TOP2B: variants seen among roughly 807,000 people sequenced by gnomAD.
The protein encoded by TOP2B is DNA topoisomerase II beta.
TOP2B carries 51 observed loss-of-function variants against 193.5 expected under a neutral mutation model. The observed-to-expected ratio is 0.26, with a 90% CI of 0.21 to 0.33. TOP2B has a LOEUF of 0.33. Among genes scored for constraint, TOP2B ranks in the 10% least tolerant of loss-of-function variants. The pLI is 1.00. For synonymous variants in TOP2B, 634 were observed against 635.7 expected, an observed-to-expected ratio of 1.00 and a Z score of 0.04; for missense variants, 1,378 against 1,909.3, an observed-to-expected ratio of 0.72 and a Z score of 5.19.
intron 1 of TOP2B, among the ~76,000 whole-genome samples, chr3:25,651,491 A>G (rs571569455): frequency 5.4e-4 from 82 of 152,174 alleles, no homozygotes; most frequent in African/African-American, 1.9e-3. Context: ...CAGCAAGGGA[A>G]GAAAGATGGA....
chr3:25,628,334 G>A (rs186369957), intron 15 of TOP2B, among the ~76,000 whole-genome samples: 89 of 150,980 alleles, frequency 5.9e-4, no homozygotes, highest in African/African-American at 2.1e-3. Context: ...AATTAGCTGG[G>A]TGTGGTGGCA....
intron 1 of TOP2B, among the ~76,000 whole-genome samples, chr3:25,663,017 T>C (rs1357632505): frequency 6.6e-6 from 1 of 152,248 alleles, no homozygotes; most frequent in Admixed American, 6.5e-5. Flanking sequence ...TTTTCTCTCC[T>C]GGCCCTAGTC....
chr3:25,617,734 C>T (rs1447315175), intron 25 of TOP2B, among the ~76,000 whole-genome samples: 1 of 152,162 alleles, frequency 6.6e-6, no homozygotes, highest in Admixed American at 6.5e-5. Flanking sequence ...CAATGTTGTA[C>T]TGTTGCTTAA....
intron 1 of TOP2B, among the ~76,000 whole-genome samples, chr3:25,649,260 A>G (rs1177346921): frequency 1.3e-5 from 2 of 152,312 alleles, no homozygotes; most frequent in South Asian, 2.1e-4. Context: ...GCCACTATCT[A>G]TCAGAACAAC....
intron 4 of TOP2B, among the ~76,000 whole-genome samples, chr3:25,640,886 A>C (rs1413788787): frequency 2.0e-5 from 3 of 150,982 alleles, no homozygotes; most frequent in African/African-American, 7.3e-5. Flanking sequence ...CCTCCTGAGT[A>C]GCTGGGACTA....
At chr3:25,664,154 C>T (rs924086165) in intron 1 of TOP2B, 75 bp downstream of exon 1, 18 of 1,527,662 alleles carry the variant, frequency 1.2e-5, no homozygotes, top group Middle Eastern at 2.0e-4. Context: ...TTCCCCTCCC[C>T]CGCCCGTTCG....
At chr3:25,642,418 C>T (rs1038536094) in intron 3 of TOP2B, 33 bp from the exon 4 acceptor site, 77 of 1,370,418 alleles carry the variant, frequency 5.6e-5, no homozygotes, top group Non-Finnish European at 7.6e-5. Context: ...GAGTAATATA[C>T]AAAATTATAT....
intron 8 of TOP2B, among the ~76,000 whole-genome samples, chr3:25,633,300 GT>G (rs1703013152): frequency 6.6e-6 from 1 of 152,134 alleles, no homozygotes; most frequent in East Asian, 1.9e-4. Context: ...TCATTTACAA[GT>G]TTTTTATATA....
At chr3:25,641,555 G>A (rs1054283350) in intron 4 of TOP2B, among the ~76,000 whole-genome samples, 8 of 151,454 alleles carry the variant, frequency 5.3e-5, no homozygotes, top group South Asian at 2.1e-4. Flanking sequence ...AAATAATCTC[G>A]ACAGCACAGT....
At chr3:25,637,765 GT>G (rs1355982269) in intron 5 of TOP2B, among the ~76,000 whole-genome samples, 4 of 151,966 alleles carry the variant, frequency 2.6e-5, no homozygotes, top group Admixed American at 6.6e-5. Context: ...TATGGTTTTG[GT>G]CAAAGCACTT....
chr3:25,635,812 T>A (rs1303033341), intron 7 of TOP2B, 124 bp downstream of exon 7: 2 of 721,846 alleles, frequency 2.8e-6, no homozygotes, highest in African/African-American at 3.6e-5. Flanking sequence ...ATAATCACTT[T>A]AAATGTGAAT....
chr3:25,643,823 T>A, intron 2 of TOP2B, 39 bp from the exon 3 acceptor site: 1 of 1,441,694 alleles, frequency 6.9e-7, no homozygotes, highest in Non-Finnish European at 9.8e-7. Context: ...ACTCAATAAA[T>A]CCTTAATATC....
chr3:25,628,847 CT>C lies in TOP2B; in HGVS notation c.1905del (p.Gly636AspfsTer51). ...AATCTAAGTATTTTAAAATACAAAC[CT>C]TTATAGTACTTTATTTTCCAGGCTT... ...NQKAWKIKYYKGLGTSTAKEA... is the reference protein window; with the variant it reads ...NQKAWKIKYYXGLGTSTAKEA... On this transcript the variant is annotated frameshift_variant and splice_region_variant, in exon 15 of 36. Transcript: ENST00000264331. LOFTEE classifies it high-confidence loss of function. The C allele has an allele frequency of 6.6e-7, 1 of 1,507,766 alleles. No individual in the cohort carries two copies. Among genetic ancestry groups the C allele is most frequent in the South Asian group, 1.2e-5 (1 of 80,384 alleles). The allele number at this position is 1,507,766 out of a possible 1,614,324, so 93.4% of individuals were successfully genotyped here.
intron 27 of TOP2B, among the ~76,000 whole-genome samples, chr3:25,614,442 G>C (rs1305141563): frequency 1.3e-5 from 2 of 151,880 alleles, no homozygotes; most frequent in Non-Finnish European, 2.9e-5. Context: ...CACAAAAAAA[G>C]GAAGACTCAC....
At chr3:25,659,661 G>C (rs2125411832) in intron 1 of TOP2B, among the ~76,000 whole-genome samples, 1 of 152,240 alleles carries the variant, frequency 6.6e-6, no homozygotes, top group South Asian at 2.1e-4. Flanking sequence ...CATACTCTTA[G>C]CATTATGCTA....
At chr3:25,645,648 C>G (rs1703394439) in intron 1 of TOP2B, among the ~76,000 whole-genome samples, 178 bp from the exon 2 acceptor site, 1 of 152,102 alleles carries the variant, frequency 6.6e-6, no homozygotes, top group Admixed American at 6.6e-5. Flanking sequence ...ACAACATGAA[C>G]CTGTAGTTTT....
At chr3:25,641,723 T>G (rs1279227324) in intron 4 of TOP2B, among the ~76,000 whole-genome samples, 1 of 152,114 alleles carries the variant, frequency 6.6e-6, no homozygotes, top group Admixed American at 6.5e-5. Context: ...GAGAAAAATC[T>G]TAAAATCATG....
chr3:25,617,224 T>C (rs112857610), intron 25 of TOP2B, among the ~76,000 whole-genome samples: 1 of 151,548 alleles, frequency 6.6e-6, no homozygotes, highest in African/African-American at 2.4e-5. Context: ...TTACTTTTTT[T>C]AAAAAAAAAC....
At chr3:25,612,465 T>C (rs780515399) in intron 28 of TOP2B, 50 bp downstream of exon 28, 3 of 1,405,964 alleles carry the variant, frequency 2.1e-6, no homozygotes, top group African/African-American at 2.9e-5. Flanking sequence ...AAATTATACA[T>C]ATATTTCATT....
Sources: allele counts gnomAD v4.1 joint callset (sites outside exome capture counted in the v4.1 genomes callset), GRCh38; gene constraint gnomAD v4.1.1; transcripts MANE v1.5; gene names NCBI Gene and HGNC (gene_info 2026-07-23, HGNC 2026-07-21).